Variants in PCDHGA3 observed in about 807,000 individuals in gnomAD.
PCDHGA3 encodes protocadherin gamma subfamily A, 3.
In PCDHGA3, 40 loss-of-function variants were observed where a neutral mutation model predicts 58.5. The ratio of observed to expected loss-of-function variants is 0.68; its 90% CI spans 0.53 to 0.89. The LOEUF (loss-of-function observed/expected upper bound fraction) is 0.89. PCDHGA3 is among the 40% of genes least tolerant of loss of function. The pLI, the probability that PCDHGA3 is intolerant of heterozygous loss-of-function variation, is 0.00. For missense variants in PCDHGA3, 1,223 were observed against 1,195.9 expected, an observed-to-expected ratio of 1.02 and a Z score of -0.33; for synonymous variants, 530 against 525.7, an observed-to-expected ratio of 1.01 and a Z score of -0.11.
chr5:141,429,450 A>G (rs1326036711), intron 1 of PCDHGA3, among the ~76,000 whole-genome samples: 1 of 152,114 alleles, frequency 6.6e-6, no homozygotes, highest in East Asian at 1.9e-4. Context: ...CTTGGGCTAC[A>G]GTAATCCTCC....
intron 1 of PCDHGA3, chr5:141,408,038 C>G (rs2095030679): frequency 8.6e-7 from 1 of 1,156,402 alleles, no homozygotes; most frequent in Admixed American, 3.0e-5. Flanking sequence ...AGAAAACCAG[C>G]TCCCACACAG....
chr5:141,393,019 G>A (rs1415257415), intron 1 of PCDHGA3: 1 of 1,613,746 alleles, frequency 6.2e-7, no homozygotes, highest in African/African-American at 1.3e-5. Flanking sequence ...ATCGTCTCCA[G>A]AGGTAGGACG....
chr5:141,428,459 A>C, intron 1 of PCDHGA3: 2 of 350,154 alleles, frequency 5.7e-6, no homozygotes, highest in Non-Finnish European at 5.5e-6. Context: ...CCCAACTACA[A>C]TGAGGGAACT....
At position 141,433,275 on chromosome 5, in the gene PCDHGA3, C is replaced by G. The variant is rs1173546273; in HGVS notation, c.2425-61532C>G. 1.5e-5 allele frequency: 19 copies of G among 1,229,998 alleles called. No homozygotes were observed. In the East Asian group the frequency reaches 3.6e-4, roughly 23 times the overall value. The allele number at this position is 1,229,998 out of a possible 1,614,324, so 76.2% of individuals were successfully genotyped here. A position where few individuals can be genotyped will look rare whatever the true frequency, so the allele number is the denominator to read the frequency against. On this transcript the variant is annotated intron_variant, in intron 1 of 3. Transcript: ENST00000253812. ...GCGGTACGATCATAGCTCACTGCAG[C>G]CTCAAACTCCTAGGCTCAAGCAATT...
chr5:141,423,116 C>T (rs374000303), intron 1 of PCDHGA3: 210 of 1,613,682 alleles, frequency 1.3e-4, no homozygotes, highest in Middle Eastern at 4.9e-4. Context: ...GTGCGTACAG[C>T]GCGGGCACTG....
chr5:141,372,906 C>A, intron 1 of PCDHGA3: 1 of 1,079,660 alleles, frequency 9.3e-7, no homozygotes, highest in Non-Finnish European at 1.3e-6. Context: ...TCCCTGATTA[C>A]ATTATTTTAT....
chr5:141,400,345 A>C lies in PCDHGA3; in HGVS notation c.2424+53888A>C, dbSNP rs757500171. On this transcript the variant is annotated intron_variant, in intron 1 of 3. Transcript: ENST00000253812. ...TGGACCTGTGGTTCCCCCCAACTACAGTCAGGGGACTTTGCCTTATTCCTA... is the reference window on the plus strand; with the variant it reads ...TGGACCTGTGGTTCCCCCCAACTACCGTCAGGGGACTTTGCCTTATTCCTA... 1.9e-6 allele frequency: 3 copies of C among 1,614,040 alleles called. No homozygotes were observed. In the South Asian group the frequency reaches 3.3e-5, roughly 18 times the overall value.
chr5:141,349,423 C>T (rs1758290992), intron 1 of PCDHGA3, among the ~76,000 whole-genome samples: 1 of 152,052 alleles, frequency 6.6e-6, no homozygotes. Flanking sequence ...AACAAATGTA[C>T]ATTATATGAG....
At position 141,431,612 on chromosome 5, in the gene PCDHGA3, G is replaced by A. The variant is rs79883194; in HGVS notation, c.2425-63195G>A. 1.9e-6 allele frequency: 3 copies of A among 1,614,126 alleles called. No homozygotes were observed. The highest frequency in any genetic ancestry group is 2.5e-6 in the Non-Finnish European group (3 of 1,180,052). ...AGTGAGGTATTCCTTCCGGTATGTG[G>A]ACGACAAGGCGGCCCAAGTTTTCAA... On this transcript the variant is annotated intron_variant, in intron 1 of 3. Coordinates refer to ENST00000253812, the MANE Select transcript of PCDHGA3 (RefSeq NM_018916.4). This position sits in a 1 kb window ranked among gnomAD's most constrained non-coding sequence, Gnocchi z 4.8.
At chr5:141,369,614 A>G (rs1334946148) in intron 1 of PCDHGA3, among the ~76,000 whole-genome samples, 2 of 152,240 alleles carry the variant, frequency 1.3e-5, no homozygotes, top group East Asian at 3.8e-4. Context: ...AAGGTCAATC[A>G]TTTCCTCATT....
chr5:141,476,446 G>A lies in PCDHGA3; in HGVS notation c.2425-18361G>A. On this transcript the variant is annotated intron_variant, in intron 1 of 3. Transcript: ENST00000253812. This position sits in a 1 kb window ranked among gnomAD's most constrained non-coding sequence, Gnocchi z 7.6. Reference sequence around the variant, plus strand: ...CCTCTTGCACTGTAACTCTGGAGTTGGTAGTGGAGAACCCGCTGGAGCTGT... The same window carrying A: ...CCTCTTGCACTGTAACTCTGGAGTTAGTAGTGGAGAACCCGCTGGAGCTGT... 6.2e-7 allele frequency: 1 copy of A among 1,614,144 alleles called. No homozygotes were observed. Among genetic ancestry groups the A allele is most frequent in the South Asian group, 1.1e-5 (1 of 91,072 alleles).
chr5:141,466,016 G>A (rs1592991828), intron 1 of PCDHGA3, among the ~76,000 whole-genome samples: 2 of 152,032 alleles, frequency 1.3e-5, no homozygotes, highest in East Asian at 3.9e-4. Flanking sequence ...CAGCTACTCG[G>A]GAGGGTGAGG....
At chr5:141,396,636 A>G (rs1206522598) in intron 1 of PCDHGA3, 1 of 152,050 alleles carries the variant, frequency 6.6e-6, no homozygotes, top group African/African-American at 2.4e-5. Context: ...AAAAAAAACT[A>G]ATATTAATAG....
rs1266518687 is a variant in PCDHGA3 at position 141,345,794 on chromosome 5, G to C, written c.1761G>C (p.Leu587=). ...LAPRSAEPGY[L]VTKVVAVDRD... ...CTCGCTCCGCAGAGCCCGGCTACCT[G>C]GTGACCAAGGTGGTGGCGGTGGACA... Residue 587 remains leucine (L), a synonymous_variant, in exon 1 of 4, where the codon CTG becomes CTC. Transcript: ENST00000253812. 6.2e-7 allele frequency: 1 copy of C among 1,613,940 alleles called. No individual in the cohort carries two copies. The highest frequency in any genetic ancestry group is 1.3e-5 in the African/African-American group (1 of 74,930).
intron 1 of PCDHGA3, among the ~76,000 whole-genome samples, chr5:141,396,987 T>C (rs2093462210): frequency 6.6e-6 from 1 of 152,232 alleles, no homozygotes; most frequent in Admixed American, 6.5e-5. Context: ...GCTAGTTGTT[T>C]TTATTAATCT....
intron 1 of PCDHGA3, chr5:141,366,190 G>T (rs758700678): frequency 3.1e-6 from 5 of 1,613,816 alleles, no homozygotes; most frequent in African/African-American, 1.3e-5. Context: ...TTGCGGTTGG[G>T]CTGCACACGG....
At chr5:141,358,687 A>G (rs1760991810) in intron 1 of PCDHGA3, among the ~76,000 whole-genome samples, 1 of 152,206 alleles carries the variant, frequency 6.6e-6, no homozygotes, top group African/African-American at 2.4e-5. Flanking sequence ...GCTTATCATG[A>G]CATCACTATT....
chr5:141,421,243 C>T (rs201273667), intron 1 of PCDHGA3: 12 of 1,601,540 alleles, frequency 7.5e-6, no homozygotes, highest in Non-Finnish European at 1.0e-5. Flanking sequence ...GAATCGGCTA[C>T]AGCGCGGGGA....
At chr5:141,347,785 T>C (rs1758017990) in intron 1 of PCDHGA3, among the ~76,000 whole-genome samples, 1 of 142,826 alleles carries the variant, frequency 7.0e-6, no homozygotes, top group South Asian at 2.2e-4. Flanking sequence ...AGACTCCATC[T>C]CAAAAAAAAA....
Sources: gnomAD v4.1 joint callset for allele counts (sites outside exome capture counted in the v4.1 genomes callset) on GRCh38, gnomAD v4.1.1 for gene constraint, Gnocchi (gnomAD v3.1) non-coding constraint, MANE v1.5 for transcripts, NCBI Gene and HGNC (gene_info 2026-07-23, HGNC 2026-07-21) for gene names.